The following CCDC88C variants were observed in gnomAD, a reference collection of about 807,000 sequenced individuals.
CCDC88C encodes the protein protein Daple.
Under a neutral mutation model 198.8 loss-of-function variants are expected in CCDC88C, and 131 were observed. The ratio of observed to expected loss-of-function variants is 0.66; its 90% CI spans 0.57 to 0.76. The LOEUF is 0.76. CCDC88C is among the 30% of genes least tolerant of loss of function. CCDC88C has a pLI of 0.00. For synonymous variants in CCDC88C, 1,166 were observed against 1,114.7 expected (o/e 1.05, Z -0.92); for missense variants, 2,553 against 2,631.6 (o/e 0.97, Z 0.65).
At chr14:91,397,935 T>C (rs1164787755) in intron 3 of CCDC88C, among the ~76,000 whole-genome samples, 1 of 152,254 alleles carries the variant, frequency 6.6e-6, no homozygotes, top group Non-Finnish European at 1.5e-5. Flanking sequence ...CAGCTGATGA[T>C]GAAGAAAACT....
In CCDC88C at chr14:91,339,493, G is replaced by A. The variant is rs773901054; in HGVS notation, c.625-31C>T. 8 of 1,580,952 alleles carry A rather than the reference G, an allele frequency of 5.1e-6. No homozygotes were observed. The highest frequency in any genetic ancestry group is 6.9e-6 in the Non-Finnish European group (8 of 1,159,240). On this transcript the variant is annotated intron_variant, in intron 7 of 29. Transcript: ENST00000389857. This position sits in a 1 kb window ranked among gnomAD's most constrained non-coding sequence, Gnocchi z 5.8. Reference sequence around the variant, plus strand: ...GCCGGGCAGAGAGGGGGATGGAGGAGAACAAACGGGGTTAACCAGCACAAC... The same window carrying A: ...GCCGGGCAGAGAGGGGGATGGAGGAAAACAAACGGGGTTAACCAGCACAAC...
intron 15 of CCDC88C, among the ~76,000 whole-genome samples, chr14:91,312,770 A>C (rs1891891583): frequency 6.7e-6 from 1 of 149,196 alleles, no homozygotes; most frequent in Non-Finnish European, 1.5e-5. Flanking sequence ...AATAACAAAA[A>C]CCACAACATA....
In CCDC88C at chr14:91,352,074, T is replaced by C. The variant is rs1596102388; in HGVS notation, c.340+7568A>G. On this transcript the variant is annotated intron_variant, in intron 4 of 29. Coordinates refer to ENST00000389857, the MANE Select transcript of CCDC88C (RefSeq NM_001080414.4). This position sits in a 1 kb window ranked among gnomAD's most constrained non-coding sequence, Gnocchi z 4.2. Reference sequence around the variant, plus strand: ...GAGCTAGGGCAGGCAGGGGACGCTCTGGGAAAGGGTCCCTCCCAACCACCA... The same window carrying C: ...GAGCTAGGGCAGGCAGGGGACGCTCCGGGAAAGGGTCCCTCCCAACCACCA... Among the ~76,000 whole-genome samples, 1 of 152,326 alleles carries C rather than the reference T, an allele frequency of 6.6e-6. No homozygotes were observed. The highest frequency in any genetic ancestry group is 1.9e-4 in the East Asian group (1 of 5,182).
Position 91,359,626 on chromosome 14 carries a change from AGCG to A in CCDC88C, c.340+13_340+15del. On this transcript the variant is annotated intron_variant, in intron 4 of 29. Coordinates refer to ENST00000389857, the MANE Select transcript of CCDC88C (RefSeq NM_001080414.4). ...GGCTGGGCACCACAGGGGAGAAGGG[AGCG>A]GCTTTCACTCACCAGACAGTGGGTC... The A allele has an allele frequency of 6.3e-7, 1 of 1,597,724 alleles. No individual in the cohort carries two copies. The highest frequency in any genetic ancestry group is 1.7e-5 in the Admixed American group (1 of 57,896).
rs1884764013 is a variant in CCDC88C, at chr14:91,381,084, T to C, written c.271-21373A>G. Among the ~76,000 whole-genome samples the C allele has an allele frequency of 6.6e-6, 1 of 152,138 alleles. No individual in the cohort carries two copies. The highest frequency in any genetic ancestry group is 2.4e-5 in the African/African-American group (1 of 41,416). On this transcript the variant is annotated intron_variant, in intron 3 of 29. Coordinates refer to ENST00000389857, the MANE Select transcript of CCDC88C (RefSeq NM_001080414.4). This position sits in a 1 kb window ranked among gnomAD's most constrained non-coding sequence, Gnocchi z 4.2. The stretch of plus-strand genomic sequence containing the variant: ...AGTGTGTGCCCTGGTCCACCCTCTG[T>C]TTAACCCACTGAAAGCCACTGGTCC...
rs1203777714 is a variant in CCDC88C at position 91,313,231 on chromosome 14, A to G, written c.2585T>C (p.Leu862Pro). 2.5e-6 allele frequency: 4 copies of G among 1,613,890 alleles called. No homozygotes were observed. Among genetic ancestry groups the G allele is most frequent in the African/African-American group, 2.7e-5 (2 of 74,936 alleles). Residue 862 changes from leucine to proline, a missense_variant, in exon 15 of 30, where the codon CTG (leucine) becomes CCG (proline). Physicochemically the swap from Leu to Pro is moderately conservative, Grantham distance 98. Transcript: ENST00000389857. This position sits in a 1 kb window ranked among gnomAD's most constrained non-coding sequence, Gnocchi z 5.2. Reference protein sequence around the residue: ...DAVLDDSTAKLSAVEKESRAL... With the variant: ...DAVLDDSTAKPSAVEKESRAL... ...GCGGCTCTCCTTCTCAACGGCGGAC[A>G]GTTTGGCAGTGCTATCGTCCAAGAC...
chr14:91,386,968 C>T (rs1259096426), intron 3 of CCDC88C, among the ~76,000 whole-genome samples: 2 of 152,222 alleles, frequency 1.3e-5, no homozygotes, highest in East Asian at 1.9e-4. Flanking sequence ...GTGTACTAAG[C>T]GCCCAGCACC....
chr14:91,347,965 A>C (rs1335321039), intron 4 of CCDC88C, among the ~76,000 whole-genome samples: 2 of 152,224 alleles, frequency 1.3e-5, no homozygotes, highest in African/African-American at 4.8e-5. Context: ...CTGGATAAAG[A>C]AAATGTGGCA....
At position 91,343,537 on chromosome 14, in the gene CCDC88C, C is replaced by T. The variant is rs552539382; in HGVS notation, c.399+62G>A. On this transcript the variant is annotated intron_variant, in intron 5 of 29. Coordinates refer to ENST00000389857, the MANE Select transcript of CCDC88C (RefSeq NM_001080414.4). ...CTAAGCTAAGGGCTCGGTCAAGTCC[C>T]GCAAACCCAATATGAGATGGCTGGG... 1.1e-5 allele frequency: 17 copies of T among 1,604,888 alleles called. No individual in the cohort carries two copies. In the African/African-American group the frequency reaches 1.1e-4, roughly 10 times the overall value.
intron 3 of CCDC88C, among the ~76,000 whole-genome samples, chr14:91,384,752 T>C (rs941766): frequency 0.17 from 25,858 of 152,152 alleles, 2,765 homozygotes; most frequent in Non-Finnish European, 0.25. Context: ...CTTGTCAATG[T>C]GCTGCGAACA....
intron 16 of CCDC88C, 77 bp from the exon 17 acceptor site, chr14:91,308,569 C>G: frequency 7.0e-7 from 1 of 1,420,500 alleles, no homozygotes; most frequent in Non-Finnish European, 9.8e-7. Flanking sequence ...GCTGCCAACA[C>G]ATCACTCCTT....
intron 4 of CCDC88C, among the ~76,000 whole-genome samples, chr14:91,354,691 A>G (rs1893966345): frequency 6.6e-6 from 1 of 152,116 alleles, no homozygotes; most frequent in African/African-American, 2.4e-5. Flanking sequence ...GGAAGAGAGA[A>G]AGGTGGGCCC....
intron 10 of CCDC88C, 96 bp from the exon 11 acceptor site, chr14:91,326,152 C>A: frequency 5.3e-6 from 6 of 1,132,226 alleles, no homozygotes; most frequent in Non-Finnish European, 7.6e-6. Context: ...GCATCTGGAC[C>A]CAAGCAAACA....
intron 3 of CCDC88C, among the ~76,000 whole-genome samples, chr14:91,407,843 C>A (rs1333000563): frequency 1.3e-5 from 2 of 150,394 alleles, no homozygotes. Context: ...AGTACAGTGG[C>A]ATGACCTTGG....
rs1340731776 is a variant in CCDC88C at position 91,285,774 on chromosome 14, T to C, written c.4442-2257A>G. The C allele has an allele frequency of 1.1e-5, 14 of 1,288,964 alleles. No individual in the cohort carries two copies. In the East Asian group the frequency reaches 5.0e-4, roughly 46 times the overall value. The allele number at this position is 1,288,964 out of a possible 1,614,324, so 79.8% of individuals were successfully genotyped here. A position where few individuals can be genotyped will look rare whatever the true frequency, so the allele number is the denominator to read the frequency against. ...CGTTTAGAGAGAGCTGGGTGGGTCG[T>C]TGGAGACTTGTCTTTGTCCTTGTTT... On this transcript the variant is annotated intron_variant, in intron 25 of 29. Transcript: ENST00000389857.
intron 12 of CCDC88C, among the ~76,000 whole-genome samples, chr14:91,321,935 C>G (rs1419194855): frequency 6.6e-6 from 1 of 152,146 alleles, no homozygotes; most frequent in Non-Finnish European, 1.5e-5. Context: ...AGACTATCTA[C>G]TCTGCTTTTA....
chr14:91,340,297 G>A (rs1376581363), intron 6 of CCDC88C, among the ~76,000 whole-genome samples: 1 of 152,026 alleles, frequency 6.6e-6, no homozygotes, highest in East Asian at 1.9e-4. Flanking sequence ...TTCCCTATAG[G>A]GTCCTGGGAT....
At position 91,294,202 on chromosome 14, in the gene CCDC88C, C is replaced by T; in HGVS notation, c.4083G>A (p.Glu1361=). 6.2e-7 allele frequency: 1 copy of T among 1,614,000 alleles called. No homozygotes were observed. Among genetic ancestry groups the T allele is most frequent in the Non-Finnish European group, 8.5e-7 (1 of 1,179,870 alleles). The change falls in exon 23 of 30, where the codon GAG becomes GAA. Residue 1361 remains glutamate (E), a synonymous_variant. Coordinates refer to ENST00000389857, the MANE Select transcript of CCDC88C (RefSeq NM_001080414.4). ...MLLEQNMENK[E]QYHEEQKQYI... ...ACTGCTTCTGCTCCTCATGGTACTG[C>T]TCCTTGTTCTCCATGTTCTGCTCCA...
At chr14:91,409,395 G>T (rs1203206589) in intron 2 of CCDC88C, among the ~76,000 whole-genome samples, 1 of 151,716 alleles carries the variant, frequency 6.6e-6, no homozygotes, top group African/African-American at 2.4e-5. Flanking sequence ...GCCCAGGCTG[G>T]TCTCGAACTC....
Sources: allele counts gnomAD v4.1 joint callset (sites outside exome capture counted in the v4.1 genomes callset), GRCh38; gene constraint gnomAD v4.1.1; non-coding constraint Gnocchi (gnomAD v3.1); transcripts MANE v1.5; gene names NCBI Gene and HGNC (gene_info 2026-07-23, HGNC 2026-07-21).